The following STIMATE variants were observed in gnomAD, a reference collection of about 807,000 sequenced individuals.
The protein encoded by STIMATE is store-operated calcium entry regulator STIMATE.
A neutral mutation model predicts 36.7 loss-of-function variants in STIMATE; 15 were observed. That is an observed-to-expected ratio of 0.41 (90% CI 0.27 to 0.63). The LOEUF (loss-of-function observed/expected upper bound fraction) is 0.63, where lower values mean the gene tolerates loss of function less well. STIMATE is among the 20% of genes least tolerant of loss of function. STIMATE has a pLI of 0.32. For synonymous variants in STIMATE, 163 were observed against 162.3 expected, an observed-to-expected ratio of 1.00 and a Z score of -0.03; for missense variants, 305 against 397.3, an observed-to-expected ratio of 0.77 and a Z score of 1.98.
At chr3:52,870,285 T>C (rs1701380332) in intron 1 of STIMATE, among the ~76,000 whole-genome samples, 1 of 152,106 alleles carries the variant, frequency 6.6e-6, no homozygotes, top group Admixed American at 6.5e-5. Context: ...TTATAAATCA[T>C]TGCAGTAAGT....
At chr3:52,861,392 G>A (rs1430789331) in intron 1 of STIMATE, among the ~76,000 whole-genome samples, 4 of 152,158 alleles carry the variant, frequency 2.6e-5, no homozygotes, top group Admixed American at 6.5e-5. Context: ...GCAGACTCGC[G>A]GCCTTTTGTG....
intron 1 of STIMATE, among the ~76,000 whole-genome samples, chr3:52,884,837 C>T (rs1353263949): frequency 6.6e-6 from 1 of 152,142 alleles, no homozygotes; most frequent in Non-Finnish European, 1.5e-5. Flanking sequence ...TTGAACTGTT[C>T]CTAGTTTGGG....
At chr3:52,852,053 C>T (rs1328247507) in intron 3 of STIMATE, among the ~76,000 whole-genome samples, 2 of 152,224 alleles carry the variant, frequency 1.3e-5, no homozygotes, top group African/African-American at 4.8e-5. Flanking sequence ...TCTGCCACTC[C>T]ACCTGCTAAG....
intron 1 of STIMATE, among the ~76,000 whole-genome samples, chr3:52,861,006 G>A (rs890350255): frequency 1.3e-5 from 2 of 152,354 alleles, no homozygotes; most frequent in East Asian, 3.9e-4. Flanking sequence ...GCTCAGGCAG[G>A]GTCCTAGGAC....
At chr3:52,875,212 A>C (rs1411467031) in intron 1 of STIMATE, among the ~76,000 whole-genome samples, 1 of 152,238 alleles carries the variant, frequency 6.6e-6, no homozygotes, top group African/African-American at 2.4e-5. Context: ...AAAATTAACA[A>C]ATAGTTCTAA....
At position 52,858,768 on chromosome 3, in the gene STIMATE, G is replaced by C. The variant is rs193155661; in HGVS notation, c.161-3324C>G. Among the ~76,000 whole-genome samples the C allele has an allele frequency of 7.3e-3, 1,116 of 152,290 alleles. 118 individuals carry two copies. In the South Asian group the frequency reaches 0.21, roughly 28 times the overall value. On this transcript the variant is annotated intron_variant, in intron 1 of 7. Transcript: ENST00000355083. Reference sequence around the variant, plus strand: ...GTCAGGATGTATAGGAATATTCACTGCAATACTGTCGTAACTGAAACTGAT... The same window carrying C: ...GTCAGGATGTATAGGAATATTCACTCCAATACTGTCGTAACTGAAACTGAT...
At chr3:52,872,280 G>A (rs1701421036) in intron 1 of STIMATE, among the ~76,000 whole-genome samples, 1 of 152,170 alleles carries the variant, frequency 6.6e-6, no homozygotes, top group African/African-American at 2.4e-5. Flanking sequence ...CACTTAGAGG[G>A]AGCCTGGCTC....
chr3:52,868,969 C>T (rs1454910204), intron 1 of STIMATE, among the ~76,000 whole-genome samples: 1 of 152,156 alleles, frequency 6.6e-6, no homozygotes, highest in Non-Finnish European at 1.5e-5. Flanking sequence ...GACAACCCGG[C>T]AAAGTATCAT....
At chr3:52,863,370 T>A (rs1054903849) in intron 1 of STIMATE, among the ~76,000 whole-genome samples, 10 of 152,020 alleles carry the variant, frequency 6.6e-5, no homozygotes, top group African/African-American at 2.4e-4. Context: ...TCTGATAAAA[T>A]CATCAGATCT....
intron 7 of STIMATE, among the ~76,000 whole-genome samples, chr3:52,842,071 C>T (rs2878636): frequency 0.89 from 135,544 of 152,260 alleles, 62,231 homozygotes; most frequent in Non-Finnish European, 1. Context: ...GAACATATTA[C>T]GGTGTCATGA....
intron 1 of STIMATE, among the ~76,000 whole-genome samples, chr3:52,875,418 T>C (rs1156827963): frequency 6.6e-6 from 1 of 152,126 alleles, no homozygotes; most frequent in Non-Finnish European, 1.5e-5. Flanking sequence ...AGCACAGACA[T>C]TAATCTCTCT....
chr3:52,870,632 T>C (rs950166203), intron 1 of STIMATE, among the ~76,000 whole-genome samples: 1 of 151,822 alleles, frequency 6.6e-6, no homozygotes, highest in African/African-American at 2.4e-5. Context: ...AGTGAATGCA[T>C]GGTGTCCTGC....
At chr3:52,890,226 G>A (rs980313397) in intron 1 of STIMATE, among the ~76,000 whole-genome samples, 1 of 152,186 alleles carries the variant, frequency 6.6e-6, no homozygotes, top group East Asian at 1.9e-4. Context: ...CAAGGACTGG[G>A]GACCAGTCTC....
intron 1 of STIMATE, among the ~76,000 whole-genome samples, chr3:52,892,672 C>T (rs1461040088): frequency 6.6e-6 from 1 of 152,204 alleles, no homozygotes; most frequent in African/African-American, 2.4e-5. Flanking sequence ...ACAGAGTATT[C>T]ACATGATCTC....
At chr3:52,877,184 T>G (rs929786576) in intron 1 of STIMATE, among the ~76,000 whole-genome samples, 1 of 152,202 alleles carries the variant, frequency 6.6e-6, no homozygotes, top group African/African-American at 2.4e-5. Context: ...GGCAACCCAG[T>G]GCCTGCCTCT....
chr3:52,859,852 C>T (rs1450334572), intron 1 of STIMATE, among the ~76,000 whole-genome samples: 3 of 152,084 alleles, frequency 2.0e-5, no homozygotes, highest in African/African-American at 7.2e-5. Flanking sequence ...GCGTGACCTA[C>T]AGCTGGGCTT....
intron 1 of STIMATE, among the ~76,000 whole-genome samples, chr3:52,890,594 A>G (rs1701767684): frequency 6.6e-6 from 1 of 152,392 alleles, no homozygotes; most frequent in Non-Finnish European, 1.5e-5. Flanking sequence ...AAGTACCAAC[A>G]GTGCCAGGCT....
intron 1 of STIMATE, among the ~76,000 whole-genome samples, chr3:52,893,846 C>T (rs181660448): frequency 1.5e-4 from 23 of 152,332 alleles, no homozygotes; most frequent in Admixed American, 1.0e-3. Flanking sequence ...GCCCAGAACC[C>T]TGACTGTGCA....
intron 1 of STIMATE, among the ~76,000 whole-genome samples, chr3:52,884,516 G>A (rs1251467034): frequency 1.3e-5 from 2 of 152,184 alleles, no homozygotes; most frequent in African/African-American, 4.8e-5. Flanking sequence ...AAAGTGCTGG[G>A]ATTACAGGCG....
Sources: allele counts gnomAD v4.1 joint callset (sites outside exome capture counted in the v4.1 genomes callset), GRCh38; gene constraint gnomAD v4.1.1; transcripts MANE v1.5; gene names NCBI Gene and HGNC (gene_info 2026-07-23, HGNC 2026-07-21).